The following SLC2A8 variants were observed in gnomAD, a reference collection of about 807,000 sequenced individuals.
SLC2A8 encodes solute carrier family 2 member 8, also known as solute carrier family 2, facilitated glucose transporter member 8.
SLC2A8 carries 53 observed loss-of-function variants against 49.2 expected under a neutral mutation model. That is an observed-to-expected ratio of 1.08 (90% CI 0.86 to 1.35). The LOEUF (loss-of-function observed/expected upper bound fraction) is 1.35, where lower values mean the gene tolerates loss of function less well. Ranked by LOEUF, SLC2A8 falls within the 40% of genes most tolerant of loss-of-function variation. The pLI, the probability that SLC2A8 is intolerant of heterozygous loss-of-function variation, is 0.00. For missense variants in SLC2A8, 688 were observed against 671.7 expected (o/e 1.02, Z -0.27); for synonymous variants, 299 against 297.0 (o/e 1.01, Z -0.07).
intron 3 of SLC2A8, chr9:127,398,414 C>G: frequency 2.8e-6 from 2 of 721,296 alleles, no homozygotes; most frequent in Non-Finnish European, 5.2e-6. Flanking sequence ...TCCCACTTAG[C>G]CGTGCCCCTC....
Position 127,403,803 on chromosome 9 carries a change from G to A in SLC2A8, c.867G>A (p.Lys289=). 1 of 1,612,318 alleles carries A rather than the reference G, an allele frequency of 6.2e-7. No homozygotes were observed. Among genetic ancestry groups the A allele is most frequent in the Non-Finnish European group, 8.5e-7 (1 of 1,179,440 alleles). Residue 289 remains lysine (K), a splice_region_variant and synonymous_variant, in exon 6 of 10, where the codon AAG becomes AAA. Coordinates refer to ENST00000373371, the MANE Select transcript of SLC2A8 (RefSeq NM_014580.5). The part of the protein sequence containing the change: ...AETIFEEAKF[K]DSSLASVVVG... ...CCATCTTTGAAGAGGCCAAGTTCAA[G>A]GTAAAAGGGCCCTGCCTGGCCTGCC...
intron 2 of SLC2A8, 70 bp downstream of exon 2, chr9:127,397,608 C>G: frequency 7.3e-7 from 1 of 1,363,258 alleles, no homozygotes; most frequent in Non-Finnish European, 9.4e-7. Flanking sequence ...CATCGGGACC[C>G]TCCGCCCCCC....
At position 127,398,130 on chromosome 9, in the gene SLC2A8, G is replaced by C. The variant is rs763534385; in HGVS notation, c.426+19G>C. 1 of 1,566,172 alleles carries C rather than the reference G, an allele frequency of 6.4e-7. No homozygotes were observed. The highest frequency in any genetic ancestry group is 1.2e-5 in the South Asian group (1 of 85,138). ...GGCCCCGGTGAGTGTCCCGTCTCTC[G>C]AGTGTCCTGTCTCGCGGCCTGAGAC... On this transcript the variant is annotated intron_variant, in intron 3 of 9. Transcript: ENST00000373371.
Position 127,399,872 on chromosome 9 carries a change from C to A in SLC2A8, c.427-35C>A. 6.3e-7 allele frequency: 1 copy of A among 1,582,620 alleles called. No individual in the cohort carries two copies. Reference sequence around the variant, plus strand: ...CTGGGATTGCAGGCATGAGCCACTGCGCCCAGCCATAAATCCTCATCTGAT... The same window carrying A: ...CTGGGATTGCAGGCATGAGCCACTGAGCCCAGCCATAAATCCTCATCTGAT... On this transcript the variant is annotated intron_variant, in intron 3 of 9. Transcript: ENST00000373371. This position sits in a 1 kb window ranked among gnomAD's most constrained non-coding sequence, Gnocchi z 4.2.
intron 1 of SLC2A8, 22 bp downstream of exon 1, chr9:127,397,308 C>A: frequency 7.2e-7 from 1 of 1,380,990 alleles, no homozygotes; most frequent in Non-Finnish European, 9.3e-7. Flanking sequence ...GGAACCCGGG[C>A]CCGGATGCGG....
chr9:127,403,899 G>A, intron 6 of SLC2A8, 60 bp from the exon 7 acceptor site: 7 of 1,600,834 alleles, frequency 4.4e-6, no homozygotes, highest in Non-Finnish European at 6.0e-6. Context: ...CAGGCCTGGA[G>A]AGGGAGGGAC....
chr9:127,405,094 CTCTCG>C (rs1564219734), intron 8 of SLC2A8, 103 bp downstream of exon 8: 1 of 1,281,662 alleles, frequency 7.8e-7, no homozygotes, highest in Non-Finnish European at 1.1e-6. Flanking sequence ...CTCACCTCTC[CTCTCG>C]TAAGTTCCAA....
Position 127,397,408 on chromosome 9 carries a change from C to T in SLC2A8, c.89C>T (p.Ala30Val). ...APRGRRVFLA[A>V]FAAALGPLSF... ...CGCGGCCGCCGCGTCTTCCTCGCCG[C>T]CTTCGCCGCTGCCCTGGGCCCACTC... is the stretch of plus-strand genomic sequence containing the variant. The change falls in exon 2 of 10, where the codon GCC (alanine) becomes GTC (valine). Residue 30 changes from alanine to valine, a missense_variant. Transcript: ENST00000373371. 6.8e-7 allele frequency: 1 copy of T among 1,475,792 alleles called. No individual in the cohort carries two copies. Among genetic ancestry groups the T allele is most frequent in the South Asian group, 1.3e-5 (1 of 77,810 alleles). The allele number at this position is 1,475,792 out of a possible 1,614,324, so 91.4% of individuals were successfully genotyped here. A position where few individuals can be genotyped will look rare whatever the true frequency, so the allele number is the denominator to read the frequency against.
At chr9:127,405,347 T>A (rs1322772003) in intron 8 of SLC2A8, 73 bp from the exon 9 acceptor site, 8 of 1,546,502 alleles carry the variant, frequency 5.2e-6, no homozygotes, top group African/African-American at 1.4e-5. Flanking sequence ...GCTGGGTCTC[T>A]TGGCTCTGCA....
intron 7 of SLC2A8, chr9:127,404,395 G>A (rs1833411180): frequency 6.0e-6 from 2 of 333,140 alleles, no homozygotes; most frequent in Non-Finnish European, 5.5e-6. Context: ...TTACCTCTCT[G>A]AGCCTCAGTC....
intron 9 of SLC2A8, 43 bp from the exon 10 acceptor site, chr9:127,407,069 G>GA: frequency 1.2e-6 from 2 of 1,606,888 alleles, no homozygotes; most frequent in Non-Finnish European, 1.7e-6. Context: ...GGGGCTTCCT[G>GA]ATCTCTCCCC....
chr9:127,398,164 A>T (rs1564213311), intron 3 of SLC2A8, 53 bp downstream of exon 3: 4 of 1,528,122 alleles, frequency 2.6e-6, no homozygotes, highest in Non-Finnish European at 3.5e-6. Context: ...ACCGAGGGGG[A>T]GTGGGACAAA....
chr9:127,407,384 C>A lies in SLC2A8; in HGVS notation c.*135C>A. The stretch of plus-strand genomic sequence containing the variant: ...TGCAGGGTCCCTCCTTCCTGTCATG[C>A]TCCCTCCAGCCCATGACCCGGGGCT... On this transcript the variant is annotated 3_prime_UTR_variant, in exon 10 of 10. Coordinates refer to ENST00000373371, the MANE Select transcript of SLC2A8 (RefSeq NM_014580.5). 2 of 1,119,210 alleles carry A rather than the reference C, an allele frequency of 1.8e-6. No individual in the cohort carries two copies. Among genetic ancestry groups the A allele is most frequent in the Non-Finnish European group, 2.7e-6 (2 of 741,620 alleles). The allele number at this position is 1,119,210 out of a possible 1,614,324, so 69.3% of individuals were successfully genotyped here. A position where few individuals can be genotyped will look rare whatever the true frequency, so the allele number is the denominator to read the frequency against.
intron 3 of SLC2A8, 44 bp downstream of exon 3, chr9:127,398,155 C>T: frequency 6.5e-7 from 1 of 1,544,730 alleles, no homozygotes; most frequent in Non-Finnish European, 8.7e-7. Flanking sequence ...CGGCCTGAGA[C>T]CGAGGGGGAG....
At chr9:127,397,816 C>T (rs1351061455) in intron 2 of SLC2A8, 89 bp from the exon 3 acceptor site, 66 of 1,338,572 alleles carry the variant, frequency 4.9e-5, no homozygotes, top group Non-Finnish European at 6.3e-5. Context: ...GGCCCCGGCT[C>T]TTTTACCTCT....
Position 127,397,370 on chromosome 9 carries a change from C to A in SLC2A8, c.57-6C>A, listed in dbSNP as rs545762974. 4.4e-5 allele frequency: 64 copies of A among 1,462,456 alleles called. 3 individuals carry two copies. In the South Asian group the frequency reaches 7.2e-4, roughly 16 times the overall value. 90.6% of individuals were successfully genotyped at this position (1,462,456 alleles called of 1,614,324 possible). A position where few individuals can be genotyped will look rare whatever the true frequency, so the allele number is the denominator to read the frequency against. On this transcript the variant is annotated splice_region_variant and splice_polypyrimidine_tract_variant and intron_variant, in intron 1 of 9. Transcript: ENST00000373371. ...GCTCCGCTCACCCTCGGCCCTGTCC[C>A]CCCAGCGCGCCCCGCGGCCGCCGCG...
intron 7 of SLC2A8, chr9:127,404,357 G>A (rs1384306154): frequency 2.7e-6 from 1 of 375,048 alleles, no homozygotes; most frequent in Non-Finnish European, 4.9e-6. Context: ...TGACTCAAGA[G>A]TTTGTGGGTC....
In SLC2A8 at chr9:127,407,348, G is replaced by T; in HGVS notation, c.*99G>T. The T allele has an allele frequency of 6.7e-7, 1 of 1,491,624 alleles. No homozygotes were observed. Among genetic ancestry groups the T allele is most frequent in the Non-Finnish European group, 9.3e-7 (1 of 1,072,950 alleles). 92.4% of individuals were successfully genotyped at this position (1,491,624 alleles called of 1,614,324 possible). On this transcript the variant is annotated 3_prime_UTR_variant, in exon 10 of 10. Coordinates refer to ENST00000373371, the MANE Select transcript of SLC2A8 (RefSeq NM_014580.5). Reference sequence around the variant, plus strand: ...AGGGGAGCCAGAATCCAGCCCCTTGGAGCCTTGGTCTGCAGGGTCCCTCCT... The same window carrying T: ...AGGGGAGCCAGAATCCAGCCCCTTGTAGCCTTGGTCTGCAGGGTCCCTCCT...
intron 9 of SLC2A8, chr9:127,406,159 T>C: frequency 4.1e-6 from 2 of 484,270 alleles, no homozygotes; most frequent in Non-Finnish European, 8.3e-6. Context: ...CCTCCAGGTC[T>C]CCTGGCATGT....
Sources: gnomAD v4.1 joint callset for allele counts on GRCh38, gnomAD v4.1.1 for gene constraint, Gnocchi (gnomAD v3.1) non-coding constraint, MANE v1.5 for transcripts, NCBI Gene and HGNC (gene_info 2026-07-23, HGNC 2026-07-21) for gene names.